Variants in KMT2C observed in about 807,000 individuals in gnomAD.
The protein encoded by KMT2C is lysine methyltransferase 2C, also known as histone-lysine N-methyltransferase 2C.
A neutral mutation model predicts 507.9 loss-of-function variants in KMT2C; 88 were observed. That is an observed-to-expected ratio of 0.17 (90% confidence interval 0.15 to 0.21). KMT2C has a LOEUF of 0.21. Ranked by LOEUF, KMT2C falls within the 10% of genes least tolerant of loss-of-function variation. KMT2C has a pLI of 1.00. For missense variants in KMT2C, 4,954 were observed against 5,957.8 expected (o/e 0.83, Z 5.55); for synonymous variants, 2,049 against 2,080.8 (o/e 0.98, Z 0.42).
intron 1 of KMT2C, among the ~76,000 whole-genome samples, chr7:152,415,931 G>A (rs1389533712): frequency 6.6e-6 from 1 of 152,108 alleles, no homozygotes; most frequent in Non-Finnish European, 1.5e-5. Context: ...TACTAATCAA[G>A]TAAGTAAAAG....
intron 1 of KMT2C, among the ~76,000 whole-genome samples, chr7:152,366,450 A>G (rs1206464350): frequency 6.6e-6 from 1 of 152,246 alleles, no homozygotes; most frequent in African/African-American, 2.4e-5. Flanking sequence ...TACAACATAA[A>G]TGAACCTTGA....
chr7:152,346,181 T>TGGC (rs1216581294), intron 2 of KMT2C, among the ~76,000 whole-genome samples: 1 of 152,226 alleles, frequency 6.6e-6, no homozygotes. Flanking sequence ...GAAATAGATC[T>TGGC]GGCGTGCAGA....
At chr7:152,257,616 T>G (rs2095682438) in intron 9 of KMT2C, among the ~76,000 whole-genome samples, 1 of 152,152 alleles carries the variant, frequency 6.6e-6, no homozygotes, top group Non-Finnish European at 1.5e-5. Context: ...ATTTTTATTG[T>G]AGAAGAACAG....
chr7:152,322,472 C>T (rs2096781343), intron 3 of KMT2C, among the ~76,000 whole-genome samples: 1 of 151,986 alleles, frequency 6.6e-6, no homozygotes, highest in Admixed American at 6.6e-5. Flanking sequence ...AGAACTGTCT[C>T]CTCAATAAAT....
chr7:152,198,386 T>C (rs2094028109), intron 27 of KMT2C, among the ~76,000 whole-genome samples: 1 of 152,220 alleles, frequency 6.6e-6, no homozygotes, highest in Admixed American at 6.5e-5. Flanking sequence ...ACATCCAAAG[T>C]CATTTTTCAG....
chr7:152,396,931 A>G (rs1323903549), intron 1 of KMT2C, among the ~76,000 whole-genome samples: 1 of 152,242 alleles, frequency 6.6e-6, no homozygotes, highest in Admixed American at 6.5e-5. Context: ...ACGTACAAAT[A>G]CACAAGTACA....
intron 9 of KMT2C, among the ~76,000 whole-genome samples, chr7:152,259,485 C>G (rs940054647): frequency 2.8e-5 from 4 of 142,708 alleles, no homozygotes; most frequent in Admixed American, 6.9e-5. Flanking sequence ...CACACACACA[C>G]ACACAGAGAA....
intron 6 of KMT2C, among the ~76,000 whole-genome samples, chr7:152,296,095 T>C (rs975906202): frequency 7.3e-6 from 1 of 137,726 alleles, no homozygotes; most frequent in Admixed American, 7.4e-5. Context: ...AAAAAAGATA[T>C]GAACACTCAA....
At chr7:152,246,438 C>A (rs2095475016) in intron 14 of KMT2C, among the ~76,000 whole-genome samples, 1 of 151,886 alleles carries the variant, frequency 6.6e-6, no homozygotes, top group Admixed American at 6.6e-5. Context: ...GGAAATACAC[C>A]CCCCTCCCCA....
In KMT2C at chr7:152,163,399, T is replaced by C; in HGVS notation, c.10178A>G (p.Glu3393Gly). The C allele has an allele frequency of 6.2e-7, 1 of 1,614,238 alleles. No homozygotes were observed. Among genetic ancestry groups the C allele is most frequent in the African/African-American group, 1.3e-5 (1 of 75,074 alleles). ...VEFDDNNPFS[E>G]SFQERERKER... The stretch of plus-strand genomic sequence containing the variant: ...CTTACGTTCCCGTTCTTGAAAACTT[T>C]CACTAAAGGGATTGTTGTCATCAAA... The change falls in exon 43 of 59, where the codon GAA (glutamate) becomes GGA (glycine). Residue 3393 changes from glutamate to glycine, a missense_variant. Physicochemically the swap from Glu to Gly is moderately conservative, Grantham distance 98. This residue lies in a region of KMT2C where 801 missense variants were observed against 751.2 expected (regional missense o/e 1.07). Transcript: ENST00000262189.
intron 14 of KMT2C, among the ~76,000 whole-genome samples, chr7:152,245,172 A>G (rs2095449916): frequency 6.6e-6 from 1 of 152,258 alleles, no homozygotes; most frequent in Non-Finnish European, 1.5e-5. Flanking sequence ...AACAACAGAA[A>G]AAGAATATTT....
At chr7:152,197,341 T>G (rs543229538) in intron 27 of KMT2C, among the ~76,000 whole-genome samples, 1 of 152,186 alleles carries the variant, frequency 6.6e-6, no homozygotes, top group Non-Finnish European at 1.5e-5. Flanking sequence ...AGTCATTCAG[T>G]AAAGAGAAAC....
chr7:152,424,971 A>G (rs2097802455), intron 1 of KMT2C, among the ~76,000 whole-genome samples: 1 of 152,158 alleles, frequency 6.6e-6, no homozygotes, highest in Non-Finnish European at 1.5e-5. Flanking sequence ...CAAAAATAGC[A>G]AAGTGTCATT....
chr7:152,373,875 A>G (rs771751064), intron 1 of KMT2C, among the ~76,000 whole-genome samples: 45 of 152,196 alleles, frequency 3.0e-4, no homozygotes, highest in Admixed American at 5.2e-4. Flanking sequence ...ACACAAACCT[A>G]ATTTTTTTTA....
At position 152,207,386 on chromosome 7, in the gene KMT2C, G is replaced by A. The variant is rs1352860495; in HGVS notation, c.3755C>T (p.Pro1252Leu). The change falls in exon 24 of 59, where the codon CCT becomes CTT. Residue 1252 changes from proline to leucine, a missense_variant. Physicochemically the swap from Pro to Leu is moderately conservative, Grantham distance 98. Coordinates refer to ENST00000262189, the MANE Select transcript of KMT2C (RefSeq NM_170606.3). ...TTCATCATCCACAGCTTCCCGCTCAGGACTAGATTCTGATTTTCCATCACA... is the reference window on the plus strand; with the variant it reads ...TTCATCATCCACAGCTTCCCGCTCAAGACTAGATTCTGATTTTCCATCACA... ...MDCDGKSESS[P>L]EREAVDDETK... The A allele has an allele frequency of 1.2e-6, 2 of 1,609,672 alleles. No individual in the cohort carries two copies. Among genetic ancestry groups the A allele is most frequent in the Non-Finnish European group, 1.7e-6 (2 of 1,178,094 alleles).
rs2090984663 is a variant in KMT2C at position 152,145,240 on chromosome 7, A to G, written c.14087T>C (p.Leu4696Pro). The change falls in exon 54 of 59, where the codon CTC becomes CCC. Residue 4696 changes from leucine to proline, a missense_variant. By Grantham distance (98) the Leu-to-Pro change is moderately conservative. This residue lies in a region of KMT2C where 221 missense variants were observed against 304.7 expected (regional missense o/e 0.73). Coordinates refer to ENST00000262189, the MANE Select transcript of KMT2C (RefSeq NM_170606.3). ...NYTFRYGRNP[L>P]MELPLAVNPT... Reference sequence around the variant, plus strand: ...GTTAACGGCAAGAGGAAGTTCCATGAGAGGATTTCGGCCGTATCGGAAGGT... The same window carrying G: ...GTTAACGGCAAGAGGAAGTTCCATGGGAGGATTTCGGCCGTATCGGAAGGT... The G allele has an allele frequency of 6.2e-7, 1 of 1,614,042 alleles. No individual in the cohort carries two copies. Among genetic ancestry groups the G allele is most frequent in the African/African-American group, 1.3e-5 (1 of 74,924 alleles).
chr7:152,386,209 GAAAAAAA>G (rs971685442), intron 1 of KMT2C, among the ~76,000 whole-genome samples: 1 of 134,862 alleles, frequency 7.4e-6, no homozygotes, highest in Non-Finnish European at 1.6e-5. Flanking sequence ...TGTTAAAAAA[GAAAAAAA>G]AAAAAAAAGG....
intron 1 of KMT2C, among the ~76,000 whole-genome samples, chr7:152,422,478 G>A (rs1289303382): frequency 1.3e-5 from 2 of 151,674 alleles, no homozygotes; most frequent in South Asian, 2.1e-4. Flanking sequence ...AGAAAACCCT[G>A]GGGGCTCAGG....
chr7:152,310,590 A>C (rs935448212), intron 5 of KMT2C, among the ~76,000 whole-genome samples: 3 of 152,180 alleles, frequency 2.0e-5, no homozygotes, highest in African/African-American at 7.2e-5. Context: ...AAAATGCAGA[A>C]GCGCAGATCA....
Sources: gnomAD v4.1 joint callset for allele counts (sites outside exome capture counted in the v4.1 genomes callset) on GRCh38, gnomAD v4.1.1 for gene constraint, gnomAD v4.1.1 regional missense constraint, MANE v1.5 for transcripts, NCBI Gene and HGNC (gene_info 2026-07-23, HGNC 2026-07-21) for gene names.